The following CBLL2 variants were observed in gnomAD, a reference collection of about 807,000 sequenced individuals.
CBLL2 encodes the protein E3 ubiquitin-protein ligase CBLL2.
For synonymous variants in CBLL2, 123 were observed against 124.9 expected (o/e 0.98, Z 0.10); for missense variants, 347 against 343.2 (o/e 1.01, Z -0.09).
chrX:22,274,263 G>C lies in CBLL2; in HGVS notation c.1272G>C (p.Arg424=), dbSNP rs901729675. 2 of 1,198,600 alleles carry C rather than the reference G, an allele frequency of 1.7e-6. No homozygotes were observed. Among genetic ancestry groups the C allele is most frequent in the African/African-American group, 3.5e-5 (2 of 56,520 alleles). Reference sequence around the variant, plus strand: ...ATTCACACCAGAGAAGACATAGACGGTATTAAGGATGATAACAGTATTTGG... The same window carrying C: ...ATTCACACCAGAGAAGACATAGACGCTATTAAGGATGATAACAGTATTTGG... ...SHHSHQRRHR[R]Y Residue 424 remains arginine, a synonymous_variant, in exon 1 of 1, where the codon CGG becomes CGC. Coordinates refer to ENST00000323684, the MANE Select transcript of CBLL2 (RefSeq NM_152577.4).
rs780904588 is a variant in CBLL2 at position 22,273,397 on chromosome X, C to T, written c.406C>T (p.Arg136Cys). 4 of 1,211,630 alleles carry T rather than the reference C, an allele frequency of 3.3e-6. No individual in the cohort carries two copies. The highest frequency in any genetic ancestry group is 1.7e-5 in the African/African-American group (1 of 57,771). ...GAAAAGCTTACAGGCTCATATCAAACGCCGCCATAAGAGAGCTCGAAAACA... is the reference window on the plus strand; with the variant it reads ...GAAAAGCTTACAGGCTCATATCAAATGCCGCCATAAGAGAGCTCGAAAACA... ...SQKSLQAHIKRRHKRARKQVT... is the reference protein window; with the variant it reads ...SQKSLQAHIKCRHKRARKQVT... Residue 136 changes from arginine (R) to cysteine (C), a missense_variant, in exon 1 of 1, where the codon CGC becomes TGC. Physicochemically the swap from Arg to Cys is radical, Grantham distance 180. Transcript: ENST00000323684.
At position 22,272,989 on chromosome X, in the gene CBLL2, A is replaced by G; in HGVS notation, c.-3A>G. On this transcript the variant is annotated 5_prime_UTR_variant, in exon 1 of 1. Transcript: ENST00000323684. ...CTAAATATGTGTCTGAACTCCAAGGAATATGAACAAGATGCCTGCTGGTGA... is the reference window on the plus strand; with the variant it reads ...CTAAATATGTGTCTGAACTCCAAGGGATATGAACAAGATGCCTGCTGGTGA... The G allele has an allele frequency of 2.6e-6, 3 of 1,170,558 alleles. No homozygotes were observed. The highest frequency in any genetic ancestry group is 3.4e-6 in the Non-Finnish European group (3 of 876,968).
In CBLL2 at chrX:22,274,362, G is replaced by A; in HGVS notation, c.*93G>A. On this transcript the variant is annotated 3_prime_UTR_variant, in exon 1 of 1. Transcript: ENST00000323684. ...TGGATAAGCGGCTCAGTTCAGCAGA[G>A]CTGGAGTTGAACAACTTTGTTCCTC... 2.4e-6 allele frequency: 2 copies of A among 841,285 alleles called. No individual in the cohort carries two copies. Among genetic ancestry groups the A allele is most frequent in the Middle Eastern group, 6.4e-4 (2 of 3,130 alleles). The allele number at this position is 841,285 out of a possible 1,213,427, so 69.3% of individuals were successfully genotyped here.
Position 22,273,879 on chromosome X carries a change from G to A in CBLL2, c.888G>A (p.Met296Ile). The A allele has an allele frequency of 5.8e-6, 7 of 1,211,010 alleles. No homozygotes were observed. Among genetic ancestry groups the A allele is most frequent in the Non-Finnish European group, 7.8e-6 (7 of 895,401 alleles). The change falls in exon 1 of 1, where the codon ATG (methionine) becomes ATA (isoleucine). Residue 296 changes from methionine (M) to isoleucine (I), a missense_variant. Transcript: ENST00000323684. ...CATCATCACCAGTAAACCATCAAAT[G>A]CCATATCCTCCTCAGGATGTAGTTA... ...PSPSSPVNHQ[M>I]PYPPQDVVTP... is the part of the protein sequence containing the mutation.
Position 22,274,306 on chromosome X carries a change from G to A in CBLL2, c.*37G>A. 1.8e-6 allele frequency: 2 copies of A among 1,127,010 alleles called. No homozygotes were observed. The highest frequency in any genetic ancestry group is 2.5e-5 in the Admixed American group (1 of 39,645). The allele number at this position is 1,127,010 out of a possible 1,213,427, so 92.9% of individuals were successfully genotyped here. ...GTATTTGGAACTGAAGACCTGATGG[G>A]AAAAAAACCTTCAAGTTCTATACTG... On this transcript the variant is annotated 3_prime_UTR_variant, in exon 1 of 1. Coordinates refer to ENST00000323684, the MANE Select transcript of CBLL2 (RefSeq NM_152577.4).
Position 22,274,239 on chromosome X carries a change from T to C in CBLL2, c.1248T>C (p.His416=). The C allele has an allele frequency of 8.3e-7, 1 of 1,210,236 alleles. No individual in the cohort carries two copies. Among genetic ancestry groups the C allele is most frequent in the Middle Eastern group, 2.3e-4 (1 of 4,341 alleles). Reference sequence around the variant, plus strand: ...CAACCCTACATGGTCGATCACATCATTCACACCAGAGAAGACATAGACGGT... The same window carrying C: ...CAACCCTACATGGTCGATCACATCACTCACACCAGAGAAGACATAGACGGT... ...PPSTLHGRSH[H]SHQRRHRRY Residue 416 remains histidine, a synonymous_variant, in exon 1 of 1, where the codon CAT becomes CAC. Transcript: ENST00000323684.
chrX:22,272,917 T>A lies in CBLL2; in HGVS notation c.-75T>A. 1.1e-6 allele frequency: 1 copy of A among 945,550 alleles called. No individual in the cohort carries two copies. The highest frequency in any genetic ancestry group is 2.4e-5 in the South Asian group (1 of 41,949). The allele number at this position is 945,550 out of a possible 1,213,427, so 77.9% of individuals were successfully genotyped here. On this transcript the variant is annotated 5_prime_UTR_variant, in exon 1 of 1. Coordinates refer to ENST00000323684, the MANE Select transcript of CBLL2 (RefSeq NM_152577.4). ...CTGGATCGTTGGGTGGCCTTCACGT[T>A]AGCAGAAGAATTCCTTTAAACGTCA...
rs1394583856 is a variant in CBLL2 at position 22,273,717 on chromosome X, T to C, written c.726T>C (p.His242=). 3 of 1,211,627 alleles carry C rather than the reference T, an allele frequency of 2.5e-6. No individual in the cohort carries two copies. Among genetic ancestry groups the C allele is most frequent in the South Asian group, 1.8e-5 (1 of 56,945 alleles). Residue 242 remains histidine (H), a synonymous_variant, in exon 1 of 1, where the codon CAT becomes CAC. Coordinates refer to ENST00000323684, the MANE Select transcript of CBLL2 (RefSeq NM_152577.4). The part of the protein sequence containing the change: ...TRKHGNLTVD[H]IQNNSDSGAK... ...AACATGGCAATTTAACAGTTGATCA[T>C]ATTCAGAATAACTCAGATTCTGGTG...
In CBLL2 at chrX:22,273,497, A is replaced by G. The variant is rs1352160318; in HGVS notation, c.506A>G (p.Lys169Arg). 2 of 1,211,564 alleles carry G rather than the reference A, an allele frequency of 1.7e-6. No homozygotes were observed. Among genetic ancestry groups the G allele is most frequent in the Non-Finnish European group, 2.2e-6 (2 of 895,492 alleles). ...PPQTEISDIPKRLQDRDHLSY... is the reference protein window; with the variant it reads ...PPQTEISDIPRRLQDRDHLSY... ...CAAACTGAAATCTCTGACATCCCTA[A>G]AAGACTGCAAGACAGGGACCATCTA... The change falls in exon 1 of 1, where the codon AAA (lysine) becomes AGA (arginine). Residue 169 changes from lysine to arginine, a missense_variant. Lys to Arg is a conservative substitution (Grantham distance 26, BLOSUM62 2). Transcript: ENST00000323684.
chrX:22,273,645 T>C lies in CBLL2; in HGVS notation c.654T>C (p.Ser218=), dbSNP rs778791731. 3 of 1,211,726 alleles carry C rather than the reference T, an allele frequency of 2.5e-6. No homozygotes were observed. The Admixed American group carries it at 6.5e-5, about 26-fold the overall frequency. ...IQAPPPELSL[S]LPFPIQWETV... is the part of the protein sequence containing the mutation. ...CTCCTCCCCCAGAACTATCTCTAAG[T>C]CTGCCTTTTCCCATCCAGTGGGAAA... is the stretch of plus-strand genomic sequence containing the variant. Residue 218 remains serine, a synonymous_variant, in exon 1 of 1, where the codon AGT becomes AGC. Coordinates refer to ENST00000323684, the MANE Select transcript of CBLL2 (RefSeq NM_152577.4).
chrX:22,274,217 C>G lies in CBLL2; in HGVS notation c.1226C>G (p.Thr409Ser), dbSNP rs1602457315. ...CPPTRSPPPS[T>S]LHGRSHHSHQ... Reference sequence around the variant, plus strand: ...CCAACGCGGAGTCCACCTCCTTCAACCCTACATGGTCGATCACATCATTCA... The same window carrying G: ...CCAACGCGGAGTCCACCTCCTTCAAGCCTACATGGTCGATCACATCATTCA... Residue 409 changes from threonine to serine, a missense_variant, in exon 1 of 1, where the codon ACC becomes AGC. Coordinates refer to ENST00000323684, the MANE Select transcript of CBLL2 (RefSeq NM_152577.4). 8.3e-7 allele frequency: 1 copy of G among 1,209,825 alleles called. No homozygotes were observed. The highest frequency in any genetic ancestry group is 3.0e-5 in the East Asian group (1 of 33,766).
In CBLL2 at chrX:22,273,588, G is replaced by A. The variant is rs780482798; in HGVS notation, c.597G>A (p.Glu199=). 114 of 1,209,306 alleles carry A rather than the reference G, an allele frequency of 9.4e-5. No homozygotes were observed. Among genetic ancestry groups the A allele is most frequent in the Non-Finnish European group, 1.3e-4 (112 of 895,052 alleles). ...SLPSVQHMLQ[E]QHNQPHKDIQ... ...CGTCTGTGCAACATATGCTACAAGA[G>A]CAACATAATCAGCCACATAAGGATA... is the stretch of plus-strand genomic sequence containing the variant. The change falls in exon 1 of 1, where the codon GAG becomes GAA. Residue 199 remains glutamate, a synonymous_variant. Transcript: ENST00000323684.
rs377723218 is a variant in CBLL2 at position 22,273,793 on chromosome X, G to A, written c.802G>A (p.Ala268Thr). 8.3e-7 allele frequency: 1 copy of A among 1,209,071 alleles called. No individual in the cohort carries two copies. The highest frequency in any genetic ancestry group is 1.8e-5 in the African/African-American group (1 of 56,819). ...TTATCCTGAGTGTCAAAGTCAACCA[G>A]CGGTATCGTCCCCTCATCATATTAT... ...DYYPECQSQPAVSSPHHIIPQ... is the reference protein window; with the variant it reads ...DYYPECQSQPTVSSPHHIIPQ... The change falls in exon 1 of 1, where the codon GCG becomes ACG. Residue 268 changes from alanine (A) to threonine (T), a missense_variant. Coordinates refer to ENST00000323684, the MANE Select transcript of CBLL2 (RefSeq NM_152577.4).
At position 22,274,098 on chromosome X, in the gene CBLL2, C is replaced by A. The variant is rs762326894; in HGVS notation, c.1107C>A (p.Thr369=). 1 of 1,211,616 alleles carries A rather than the reference C, an allele frequency of 8.3e-7. No individual in the cohort carries two copies. Among genetic ancestry groups the A allele is most frequent in the Admixed American group, 2.2e-5 (1 of 46,016 alleles). ...HYNLNILPQF[T]ENQETLSPQF... is the part of the protein sequence containing the mutation. ...ACCTTAACATTTTACCTCAGTTCACCGAAAATCAAGAAACCTTGAGCCCTC... is the reference window on the plus strand; with the variant it reads ...ACCTTAACATTTTACCTCAGTTCACAGAAAATCAAGAAACCTTGAGCCCTC... The change falls in exon 1 of 1, where the codon ACC becomes ACA. Residue 369 remains threonine (T), a synonymous_variant. Transcript: ENST00000323684.
rs778274339 is a variant in CBLL2 at position 22,273,225 on chromosome X, C to T, written c.234C>T (p.Cys78=). 6.6e-6 allele frequency: 8 copies of T among 1,209,602 alleles called. No homozygotes were observed. The highest frequency in any genetic ancestry group is 2.2e-5 in the Admixed American group (1 of 45,770). The part of the protein sequence containing the change: ...GRIIPCKHAF[C]YHCANLYDKV... ...TAATTCCGTGCAAGCATGCTTTTTG[C>T]TATCACTGTGCTAATTTATATGACA... Residue 78 remains cysteine, a synonymous_variant, in exon 1 of 1, where the codon TGC becomes TGT. Coordinates refer to ENST00000323684, the MANE Select transcript of CBLL2 (RefSeq NM_152577.4).
chrX:22,274,247 A>T lies in CBLL2; in HGVS notation c.1256A>T (p.Gln419Leu), dbSNP rs111333157. 8.3e-7 allele frequency: 1 copy of T among 1,208,744 alleles called. No homozygotes were observed. Among genetic ancestry groups the T allele is most frequent in the South Asian group, 1.8e-5 (1 of 56,229 alleles). Residue 419 changes from glutamine to leucine, a missense_variant, in exon 1 of 1, where the codon CAG becomes CTG. Coordinates refer to ENST00000323684, the MANE Select transcript of CBLL2 (RefSeq NM_152577.4). ...TLHGRSHHSHQRRHRRY is the reference protein window; with the variant it reads ...TLHGRSHHSHLRRHRRY ...CATGGTCGATCACATCATTCACACCAGAGAAGACATAGACGGTATTAAGGA... is the reference window on the plus strand; with the variant it reads ...CATGGTCGATCACATCATTCACACCTGAGAAGACATAGACGGTATTAAGGA...
In CBLL2 at chrX:22,273,256, G is replaced by A. The variant is rs1936780344; in HGVS notation, c.265G>A (p.Gly89Arg). ...YHCANLYDKVGYKVCPRCRYP... is the reference protein window; with the variant it reads ...YHCANLYDKVRYKVCPRCRYP... ...CTGTGCTAATTTATATGACAAAGTCGGATATAAAGTATGTCCGCGCTGTCG... is the reference window on the plus strand; with the variant it reads ...CTGTGCTAATTTATATGACAAAGTCAGATATAAAGTATGTCCGCGCTGTCG... Residue 89 changes from glycine to arginine, a missense_variant, in exon 1 of 1, where the codon GGA (glycine) becomes AGA (arginine). By Grantham distance (125) the Gly-to-Arg change is moderately radical. Coordinates refer to ENST00000323684, the MANE Select transcript of CBLL2 (RefSeq NM_152577.4). 3.3e-6 allele frequency: 4 copies of A among 1,211,472 alleles called. No individual in the cohort carries two copies. Among genetic ancestry groups the A allele is most frequent in the South Asian group, 1.8e-5 (1 of 56,940 alleles).
Position 22,272,914 on chromosome X carries a change from C to CG in CBLL2, c.-77dup. ...GTTCTGGATCGTTGGGTGGCCTTCA[C>CG]GTTAGCAGAAGAATTCCTTTAAACG... is the stretch of plus-strand genomic sequence containing the variant. On this transcript the variant is annotated 5_prime_UTR_variant, in exon 1 of 1. Transcript: ENST00000323684. 1.1e-6 allele frequency: 1 copy of CG among 924,269 alleles called. No homozygotes were observed. The highest frequency in any genetic ancestry group is 2.4e-5 in the South Asian group (1 of 41,218). The allele number at this position is 924,269 out of a possible 1,213,427, so 76.2% of individuals were successfully genotyped here.
In CBLL2 at chrX:22,273,563, C is replaced by T. The variant is rs187258946; in HGVS notation, c.572C>T (p.Pro191Leu). 3 of 1,208,884 alleles carry T rather than the reference C, an allele frequency of 2.5e-6. No individual in the cohort carries two copies. In the African/African-American group the frequency reaches 5.3e-5, roughly 21 times the overall value. ...PPEQHTMVSL[P>L]SVQHMLQEQH... ...GAACAGCACACCATGGTGTCACTAC[C>T]GTCTGTGCAACATATGCTACAAGAG... is the stretch of plus-strand genomic sequence containing the variant. The change falls in exon 1 of 1, where the codon CCG becomes CTG. Residue 191 changes from proline to leucine, a missense_variant. Pro to Leu is a moderately conservative substitution (Grantham distance 98). Transcript: ENST00000323684.
Sources: gnomAD v4.1 joint callset for allele counts on GRCh38, gnomAD v4.1.1 for gene constraint, MANE v1.5 for transcripts, NCBI Gene and HGNC (gene_info 2026-07-23, HGNC 2026-07-21) for gene names.